The following LRBA variants were observed in gnomAD, a reference collection of about 807,000 sequenced individuals.
LRBA encodes the protein lipopolysaccharide-responsive and beige-like anchor protein.
In LRBA, 176 loss-of-function variants were observed where a neutral mutation model predicts 330.0. That is an observed-to-expected ratio of 0.53 (90% CI 0.47 to 0.60). LRBA has a LOEUF of 0.60. Ranked by LOEUF, LRBA falls within the 20% of genes least tolerant of loss-of-function variation. The pLI is 0.00. For synonymous variants in LRBA, 1,230 were observed against 1,193.0 expected, an observed-to-expected ratio of 1.03 and a Z score of -0.64; for missense variants, 3,259 against 3,444.8, an observed-to-expected ratio of 0.95 and a Z score of 1.35.
chr4:150,776,464 C>T (rs964480942), intron 34 of LRBA, among the ~76,000 whole-genome samples: 3 of 152,104 alleles, frequency 2.0e-5, no homozygotes, highest in Non-Finnish European at 2.9e-5. Flanking sequence ...TTATCTGTTT[C>T]GTATTATACT....
Position 150,265,583 on chromosome 4 carries a change from A to T in LRBA, c.*139T>A. The T allele has an allele frequency of 1.6e-6, 1 of 610,170 alleles. No homozygotes were observed. The highest frequency in any genetic ancestry group is 3.0e-6 in the Non-Finnish European group (1 of 336,248). 37.8% of individuals were successfully genotyped at this position (610,170 alleles called of 1,614,324 possible). On this transcript the variant is annotated 3_prime_UTR_variant, in exon 57 of 57. Transcript: ENST00000651943. The stretch of plus-strand genomic sequence containing the variant: ...AAAAAAGTCAAGCAAAGACTACAAA[A>T]ATAGCAATTATTAATAACTTTAAAA...
At chr4:150,870,741 T>C (rs1321043249) in intron 19 of LRBA, 135 bp from the exon 20 acceptor site, 20 of 523,046 alleles carry the variant, frequency 3.8e-5, no homozygotes, top group South Asian at 6.6e-5. Context: ...TAGTCCAATA[T>C]TGTCATGCTA....
intron 34 of LRBA, among the ~76,000 whole-genome samples, chr4:150,787,218 T>C (rs1037158968): frequency 2.1e-5 from 3 of 145,692 alleles, no homozygotes; most frequent in Non-Finnish European, 4.5e-5. Context: ...AGACTCCATC[T>C]CAAAAAAAAA....
At chr4:150,660,404 G>C (rs1271244409) in intron 37 of LRBA, among the ~76,000 whole-genome samples, 1 of 140,744 alleles carries the variant, frequency 7.1e-6, no homozygotes, top group African/African-American at 2.5e-5. Context: ...GGTGAGGGGC[G>C]CCTCTGCCCG....
chr4:150,635,705 A>G (rs889665457), intron 37 of LRBA, among the ~76,000 whole-genome samples: 2 of 152,206 alleles, frequency 1.3e-5, no homozygotes, highest in African/African-American at 4.8e-5. Flanking sequence ...TTTGTTCTAC[A>G]TAATAATAAT....
chr4:150,836,657 T>C (rs552492127), intron 28 of LRBA, among the ~76,000 whole-genome samples: 1 of 152,348 alleles, frequency 6.6e-6, no homozygotes, highest in African/African-American at 2.4e-5. Flanking sequence ...TTTATCATTT[T>C]ATATTGAGTC....
At chr4:150,972,237 G>C (rs917304644) in intron 2 of LRBA, among the ~76,000 whole-genome samples, 1 of 151,630 alleles carries the variant, frequency 6.6e-6, no homozygotes, top group Admixed American at 6.6e-5. Context: ...AGTTAACAAG[G>C]GTTTTAAACA....
intron 37 of LRBA, among the ~76,000 whole-genome samples, chr4:150,620,863 A>T (rs1776223035): frequency 2.0e-5 from 3 of 152,292 alleles, no homozygotes. Flanking sequence ...TACAATGTAC[A>T]CTACTTGGGT....
rs531325833 is a variant in LRBA at position 150,509,627 on chromosome 4, G to GT, written c.6331-18593dup. Among the ~76,000 whole-genome samples, 132 of 150,064 alleles carry GT rather than the reference G, an allele frequency of 8.8e-4. 1 individual carries two copies. Among genetic ancestry groups the GT allele is most frequent in the Non-Finnish European group, 1.3e-3 (86 of 67,640 alleles). On this transcript the variant is annotated intron_variant, in intron 40 of 56. Coordinates refer to ENST00000651943, the MANE Select transcript of LRBA (RefSeq NM_001364905.1). ...TAAAGCTGTTTTTGTGTTTTGTTTT[G>GT]TTTTTTTAAAAAAAGATCAATAAAA... is the stretch of plus-strand genomic sequence containing the variant.
In LRBA at chr4:150,278,026, AG is replaced by A. The variant is rs1747029716; in HGVS notation, c.8317-23del. 1.9e-6 allele frequency: 3 copies of A among 1,607,628 alleles called. No homozygotes were observed. The East Asian group carries it at 6.7e-5, about 36-fold the overall frequency. On this transcript the variant is annotated intron_variant, in intron 55 of 56. Coordinates refer to ENST00000651943, the MANE Select transcript of LRBA (RefSeq NM_001364905.1). ...TGGCCTGTGAGACACAGCAACATTC[AG>A]TAGAAATGTGGTTCTAGGAAACTTT...
At chr4:150,854,664 G>A (rs1282290840) in intron 22 of LRBA, among the ~76,000 whole-genome samples, 1 of 152,168 alleles carries the variant, frequency 6.6e-6, no homozygotes, top group East Asian at 1.9e-4. Flanking sequence ...AACTGCAGTA[G>A]GCCTCTCTGT....
chr4:151,004,879 C>T (rs777043615), intron 2 of LRBA, among the ~76,000 whole-genome samples: 19 of 151,868 alleles, frequency 1.3e-4, no homozygotes, highest in Non-Finnish European at 2.2e-4. Flanking sequence ...CCCAGCTACT[C>T]GGGAGGCTGA....
intron 2 of LRBA, chr4:151,013,772 T>G (rs1328336709): frequency 6.6e-6 from 1 of 152,080 alleles, no homozygotes; most frequent in Non-Finnish European, 1.5e-5. Flanking sequence ...TAACTATGCT[T>G]TCCTGCTAGA....
At chr4:150,265,957 T>C in intron 56 of LRBA, 145 bp from the exon 57 acceptor site, 2 of 613,560 alleles carry the variant, frequency 3.3e-6, no homozygotes, top group Non-Finnish European at 5.9e-6. Flanking sequence ...ATGTATTTCA[T>C]GACTAAAATG....
intron 36 of LRBA, among the ~76,000 whole-genome samples, chr4:150,719,830 C>T (rs1211527367): frequency 6.6e-6 from 1 of 152,088 alleles, no homozygotes; most frequent in Non-Finnish European, 1.5e-5. Flanking sequence ...GCGGCTGATT[C>T]ACTAAAACAG....
chr4:151,012,134 A>G (rs1396833208), intron 2 of LRBA, among the ~76,000 whole-genome samples: 1 of 152,096 alleles, frequency 6.6e-6, no homozygotes, highest in Admixed American at 6.6e-5. Context: ...GAGGGTAACT[A>G]ACTGAACAGA....
At chr4:150,391,346 T>G (rs1399747794) in intron 47 of LRBA, among the ~76,000 whole-genome samples, 1 of 152,214 alleles carries the variant, frequency 6.6e-6, no homozygotes, top group Non-Finnish European at 1.5e-5. Context: ...CATGTCCATT[T>G]AACCACTACT....
chr4:150,591,843 A>C (rs568955323), intron 38 of LRBA, among the ~76,000 whole-genome samples: 1 of 152,240 alleles, frequency 6.6e-6, no homozygotes, highest in East Asian at 1.9e-4. Context: ...GACGCAAATG[A>C]AAGTGGAAAA....
intron 2 of LRBA, among the ~76,000 whole-genome samples, chr4:150,986,285 G>A (rs1427649941): frequency 2.0e-5 from 3 of 152,220 alleles, no homozygotes; most frequent in African/African-American, 7.2e-5. Context: ...CCACCTCAGC[G>A]GGAGATGAAC....
Sources: gnomAD v4.1 joint callset for allele counts (sites outside exome capture counted in the v4.1 genomes callset) on GRCh38, gnomAD v4.1.1 for gene constraint, MANE v1.5 for transcripts, NCBI Gene and HGNC (gene_info 2026-07-23, HGNC 2026-07-21) for gene names.